CTNNA2: variants seen among roughly 807,000 people sequenced by gnomAD.
The protein encoded by CTNNA2 is catenin alpha-2.
Under a neutral mutation model 101.0 loss-of-function variants are expected in CTNNA2, and 42 were observed. The ratio of observed to expected loss-of-function variants is 0.42; its 90% CI spans 0.32 to 0.54. The LOEUF is 0.54. Ranked by LOEUF, CTNNA2 falls within the 20% of genes least tolerant of loss-of-function variation. CTNNA2 has a pLI of 0.14. For synonymous variants in CTNNA2, 450 were observed against 456.4 expected, an observed-to-expected ratio of 0.99 and a Z score of 0.18; for missense variants, 871 against 1,223.1, an observed-to-expected ratio of 0.71 and a Z score of 4.29.
chr2:80,085,787 G>A (rs1043038197), intron 7 of CTNNA2, among the ~76,000 whole-genome samples: 10 of 151,984 alleles, frequency 6.6e-5, no homozygotes, highest in Non-Finnish European at 1.5e-5. Context: ...CTTTGTGTCA[G>A]TTGTGCTCAA....
At chr2:79,340,647 C>A (rs1489807683) in intron 3 of CTNNA2, among the ~76,000 whole-genome samples, 2 of 151,956 alleles carry the variant, frequency 1.3e-5, no homozygotes, top group South Asian at 2.1e-4. Context: ...TCCTGGCTAA[C>A]ACGGTGAAAC....
intron 1 of CTNNA2, among the ~76,000 whole-genome samples, chr2:79,583,576 A>G (rs1186098195): frequency 1.3e-5 from 2 of 152,084 alleles, no homozygotes; most frequent in East Asian, 3.9e-4. Flanking sequence ...TGGTTAGTGT[A>G]TGTTTAGCCT....
At chr2:80,192,539 A>G (rs544974793) in intron 7 of CTNNA2, among the ~76,000 whole-genome samples, 237 of 150,394 alleles carry the variant, frequency 1.6e-3, no homozygotes, top group African/African-American at 5.7e-3. Flanking sequence ...TTTTCTTTTT[A>G]TTTTTTGACA....
Position 80,147,521 on chromosome 2 carries a change from G to A in CTNNA2, c.1056+237724G>A, listed in dbSNP as rs142161437. On this transcript the variant is annotated intron_variant, in intron 7 of 18. Transcript: ENST00000402739. ...TTAGAAGAAAACACTCACCACCCAC[G>A]ATGAACTCCAACAGGACTCCCTGTC... is the stretch of plus-strand genomic sequence containing the variant. Among the ~76,000 whole-genome samples, 524 of 152,270 alleles carry A rather than the reference G, an allele frequency of 3.4e-3. 2 individuals carry two copies. Among genetic ancestry groups the A allele is most frequent in the African/African-American group, 0.011 (470 of 41,566 alleles).
intron 8 of CTNNA2, among the ~76,000 whole-genome samples, chr2:80,398,863 T>C (rs1158282352): frequency 6.7e-6 from 1 of 150,004 alleles, no homozygotes; most frequent in Non-Finnish European, 1.5e-5. Flanking sequence ...CAAGACTCTG[T>C]CTCAAAAAAA....
chr2:79,216,695 G>T (rs1175372061), intron 2 of CTNNA2, among the ~76,000 whole-genome samples: 2 of 150,254 alleles, frequency 1.3e-5, no homozygotes, highest in Admixed American at 6.6e-5. Flanking sequence ...GGGTGAAGGA[G>T]AAGGGGTTGG....
At chr2:79,275,420 C>A (rs1675186706) in intron 2 of CTNNA2, among the ~76,000 whole-genome samples, 1 of 151,944 alleles carries the variant, frequency 6.6e-6, no homozygotes, top group Admixed American at 6.6e-5. Flanking sequence ...CATGAAGGTA[C>A]TGAAGAGAAA....
rs548412986 is a variant in CTNNA2, at chr2:80,260,706, C to T, written c.1057-132505C>T. On this transcript the variant is annotated intron_variant, in intron 7 of 18. Coordinates refer to ENST00000402739, the MANE Select transcript of CTNNA2 (RefSeq NM_001282597.3). ...AGTTCTCAGAGCAGAAAAGATAAGC[C>T]AAGTTTGTAAAATAGCAAAGAGCAG... 5.9e-5 allele frequency among the ~76,000 whole-genome samples: 9 copies of T among 152,168 alleles called. No homozygotes were observed. In the South Asian group the frequency reaches 1.5e-3, roughly 25 times the overall value.
At chr2:80,520,980 T>C (rs1369646769) in intron 9 of CTNNA2, among the ~76,000 whole-genome samples, 1 of 152,088 alleles carries the variant, frequency 6.6e-6, no homozygotes, top group Non-Finnish European at 1.5e-5. Context: ...TATTGAGGTA[T>C]TACTACATGG....
intron 3 of CTNNA2, among the ~76,000 whole-genome samples, chr2:79,334,614 A>T (rs752786035): frequency 6.6e-5 from 10 of 152,246 alleles, no homozygotes; most frequent in Non-Finnish European, 1.3e-4. Context: ...AGAGAAGAAT[A>T]AAAAAAGGAT....
At position 79,902,079 on chromosome 2, in the gene CTNNA2, G is replaced by T. The variant is rs6752753; in HGVS notation, c.853-7515G>T. 2.5e-3 allele frequency among the ~76,000 whole-genome samples: 383 copies of T among 152,266 alleles called. 3 individuals are homozygous for T. Among genetic ancestry groups the T allele is most frequent in the African/African-American group, 8.9e-3 (369 of 41,542 alleles). ...TAGCATTTTAGAGGTTTTATTCCTG[G>T]TGATTATTTGCTGTTTTTGATCCCC... On this transcript the variant is annotated intron_variant, in intron 6 of 18. Transcript: ENST00000402739.
At chr2:79,769,985 A>T (rs1313196432) in intron 3 of CTNNA2, among the ~76,000 whole-genome samples, 2 of 152,170 alleles carry the variant, frequency 1.3e-5, no homozygotes, top group African/African-American at 4.8e-5. Context: ...AATTCATTTA[A>T]TTTTACTTAA....
At chr2:80,307,115 A>G (rs1361723345) in intron 7 of CTNNA2, among the ~76,000 whole-genome samples, 4 of 150,676 alleles carry the variant, frequency 2.7e-5, no homozygotes, top group Non-Finnish European at 1.5e-5. Context: ...CCTGCAAATC[A>G]TTTCATCTAT....
intron 2 of CTNNA2, chr2:79,281,432 A>G (rs1470811334): frequency 2.0e-5 from 3 of 152,268 alleles, no homozygotes; most frequent in Non-Finnish European, 4.4e-5. Flanking sequence ...TATATACTCA[A>G]AACAAATTAT....
At chr2:79,507,365 T>TTAATGCCA (rs1671435140) in intron 5 of CTNNA2, among the ~76,000 whole-genome samples, 1 of 152,088 alleles carries the variant, frequency 6.6e-6, no homozygotes, top group Non-Finnish European at 1.5e-5. Context: ...CATGAATGGA[T>TTAATGCCA]TAATGCCATT....
intron 7 of CTNNA2, among the ~76,000 whole-genome samples, chr2:79,925,540 C>T (rs533843725): frequency 6.6e-6 from 1 of 152,184 alleles, no homozygotes; most frequent in Non-Finnish European, 1.5e-5. Flanking sequence ...GGATTATTTA[C>T]TAGCAAATCA....
At chr2:79,308,106 A>G (rs1350959846) in intron 2 of CTNNA2, among the ~76,000 whole-genome samples, 1 of 152,154 alleles carries the variant, frequency 6.6e-6, no homozygotes, top group Non-Finnish European at 1.5e-5. Flanking sequence ...GTACAGTGGC[A>G]TGATCTCGGC....
At chr2:79,615,533 TA>T (rs1678560123) in intron 1 of CTNNA2, among the ~76,000 whole-genome samples, 1 of 152,202 alleles carries the variant, frequency 6.6e-6, no homozygotes, top group Non-Finnish European at 1.5e-5. Context: ...CCTTTTAAAT[TA>T]TACATGGTTG....
intron 7 of CTNNA2, among the ~76,000 whole-genome samples, chr2:80,063,600 G>A (rs1697762312): frequency 2.0e-5 from 3 of 152,212 alleles, no homozygotes; most frequent in Non-Finnish European, 2.9e-5. Flanking sequence ...TGCCTGGAAG[G>A]CATCAGAGGA....
Sources: gnomAD v4.1 joint callset for allele counts (sites outside exome capture counted in the v4.1 genomes callset) on GRCh38, gnomAD v4.1.1 for gene constraint, MANE v1.5 for transcripts, NCBI Gene and HGNC (gene_info 2026-07-23, HGNC 2026-07-21) for gene names.